Variants in C1R observed in about 807,000 individuals in gnomAD.
The protein encoded by C1R is complement C1r subcomponent.
Under a neutral mutation model 27.6 loss-of-function variants are expected in C1R, and 15 were observed. The observed-to-expected ratio is 0.54, with a 90% CI of 0.36 to 0.84. The LOEUF is 0.84. Among genes scored for constraint, C1R ranks in the 40% least tolerant of loss-of-function variants. The probability of loss-of-function intolerance (pLI) is 0.01; values close to 1 mark genes in which losing one functional copy is unlikely to be tolerated. For synonymous variants in C1R, 253 were observed against 228.8 expected (o/e 1.11, Z -0.95); for missense variants, 544 against 577.9 (o/e 0.94, Z 0.60).
chr12:7,092,170 A>G (rs1391895923), intron 1 of C1R: 1 of 626,040 alleles, frequency 1.6e-6, no homozygotes, highest in East Asian at 2.8e-5. Context: ...CCCAGAGGGA[A>G]GAAAGGACCA....
rs1335919353 is a variant in C1R, at chr12:7,091,726, T to C, written c.3-46A>G. ...ATCTGGAGCTGGAGGGGTTCAGCACTCTTGCCATGTGGGCAGTGGCTGTGG... is the reference window on the plus strand; with the variant it reads ...ATCTGGAGCTGGAGGGGTTCAGCACCCTTGCCATGTGGGCAGTGGCTGTGG... On this transcript the variant is annotated intron_variant, in intron 1 of 10. Transcript: ENST00000647956. This position sits in a 1 kb window ranked among gnomAD's most constrained non-coding sequence, Gnocchi z 5.1. 1.4e-6 allele frequency: 1 copy of C among 718,200 alleles called. No homozygotes were observed. The highest frequency in any genetic ancestry group is 1.7e-5 in the African/African-American group (1 of 57,234). 44.5% of individuals were successfully genotyped at this position (718,200 alleles called of 1,614,324 possible).
In C1R at chr12:7,082,036, C is replaced by G; in HGVS notation, c.1344G>C (p.Leu448Phe). ...CCCCAGAGGGTTTCCACTCACCTGG[C>G]AAGCACCGAGGAATCTTCTCTCCCT... Reference protein sequence around the residue: ...EQKGEKIPRCLPVCGKPVNPV... With the variant: ...EQKGEKIPRCFPVCGKPVNPV... The change falls in exon 10 of 11, where the codon TTG (leucine) becomes TTC (phenylalanine). Residue 448 changes from leucine to phenylalanine, a missense_variant. By Grantham distance (22) the Leu-to-Phe change is conservative. Coordinates refer to ENST00000647956, the MANE Select transcript of C1R (RefSeq NM_001733.7). 3 of 1,537,026 alleles carry G rather than the reference C, an allele frequency of 2.0e-6. No homozygotes were observed. The highest frequency in any genetic ancestry group is 2.6e-6 in the Non-Finnish European group (3 of 1,146,746).
intron 3 of C1R, 56 bp from the exon 4 acceptor site, chr12:7,089,789 C>T (rs1565631059): frequency 1.3e-6 from 1 of 764,174 alleles, no homozygotes; most frequent in East Asian, 2.5e-5. Context: ...TGAGTAGTGG[C>T]TCTGATCTTA....
rs748463008 is a variant in C1R, at chr12:7,080,412, G to C, written c.*120C>G. ...CTACAGGAAAGAGAATTTCACACAC[G>C]GTCTTTCTGCATCAGTAATTTTAAT... On this transcript the variant is annotated 3_prime_UTR_variant, in exon 11 of 11. Transcript: ENST00000647956. This position sits in a 1 kb window ranked among gnomAD's most constrained non-coding sequence, Gnocchi z 4.9. The C allele has an allele frequency of 2.1e-6, 3 of 1,439,114 alleles. No individual in the cohort carries two copies. The highest frequency in any genetic ancestry group is 2.7e-5 in the Admixed American group (1 of 36,434). 89.1% of individuals were successfully genotyped at this position (1,439,114 alleles called of 1,614,324 possible).
chr12:7,082,150 A>G (rs1403834097), intron 9 of C1R, 44 bp from the exon 10 acceptor site: 7 of 1,159,182 alleles, frequency 6.0e-6, no homozygotes, highest in East Asian at 5.1e-5. Context: ...GGTGATGGGT[A>G]AGAAAACTAG....
chr12:7,086,054 G>T, intron 8 of C1R, 38 bp from the exon 9 acceptor site: 2 of 398,690 alleles, frequency 5.0e-6, no homozygotes, highest in South Asian at 2.6e-4. Context: ...AGCTGAGAAT[G>T]ACTGTGCTGG....
rs1200596296 is a variant in C1R at position 7,081,464 on chromosome 12, CTTCTTG to C, written c.1349-169_1349-164del. On this transcript the variant is annotated intron_variant, in intron 10 of 10. Coordinates refer to ENST00000647956, the MANE Select transcript of C1R (RefSeq NM_001733.7). Reference sequence around the variant, plus strand: ...TCCGTCATTGGCCTATTGACAGGCTCTTCTTGTTCTTGTTTTTTTTTTTTTTTTAAA... The same window carrying C: ...TCCGTCATTGGCCTATTGACAGGCTCTTCTTGTTTTTTTTTTTTTTTTAAA... Among the ~76,000 whole-genome samples the C allele has an allele frequency of 4.6e-5, 7 of 150,720 alleles. No homozygotes were observed. In the East Asian group the frequency reaches 1.4e-3, roughly 29 times the overall value.
Position 7,091,126 on chromosome 12 carries a change from C to T in C1R, c.231+326G>A. On this transcript the variant is annotated intron_variant, in intron 2 of 10. Transcript: ENST00000647956. The surrounding 1 kb of genome is among the most constrained non-coding windows in gnomAD (Gnocchi z 5.1). ...AAGCAGGCAGCCATGTCAATCATTT[C>T]CTTGGAGACAGGGAAGCTGAGGCAC... 1 of 329,344 alleles carries T rather than the reference C, an allele frequency of 3.0e-6. No homozygotes were observed. Among genetic ancestry groups the T allele is most frequent in the Non-Finnish European group, 5.6e-6 (1 of 178,036 alleles). The allele number at this position is 329,344 out of a possible 1,614,324, so 20.4% of individuals were successfully genotyped here.
chr12:7,083,458 G>GATGGTGTTGGTA (rs1449832039), intron 9 of C1R, among the ~76,000 whole-genome samples: 1 of 112,114 alleles, frequency 8.9e-6, no homozygotes, highest in Non-Finnish European at 1.9e-5. Context: ...TGATAGTGAT[G>GATGGTGTTGGTA]ATGGTGATGG....
chr12:7,090,297 C>T (rs1327043789), intron 2 of C1R, 49 bp from the exon 3 acceptor site: 6 of 693,592 alleles, frequency 8.7e-6, no homozygotes, highest in East Asian at 5.4e-5. Flanking sequence ...TGCGGAGTGG[C>T]GCACGTGGTG....
intron 9 of C1R, among the ~76,000 whole-genome samples, chr12:7,083,525 A>ATCATGG (rs1938104886): frequency 7.9e-6 from 1 of 126,940 alleles, no homozygotes; most frequent in African/African-American, 3.0e-5. Context: ...GGTGTTGGTA[A>ATCATGG]TGGTGGTGGT....
chr12:7,084,787 AATCATG>A (rs1938113663), intron 9 of C1R, among the ~76,000 whole-genome samples: 1 of 118,856 alleles, frequency 8.4e-6, no homozygotes, highest in African/African-American at 3.8e-5. Context: ...TGGTGTTGGT[AATCATG>A]ATGGTGATAA....
At chr12:7,085,814 C>G (rs975013754) in intron 9 of C1R, 47 bp downstream of exon 9, 6 of 398,268 alleles carry the variant, frequency 1.5e-5, no homozygotes, top group Admixed American at 4.4e-5. Context: ...CAGAGGATAC[C>G]CCAAGGGGAT....
Position 7,088,974 on chromosome 12 carries a change from C to A in C1R, c.781G>T (p.Gly261Trp), listed in dbSNP as rs3813728. ...CCACAGAACTCGCCAATGTTCTTCC[C>A]GTTGGCATAGATCTAGTAGGGGAGG... The part of the protein sequence containing the change: ...PYDQLQIYAN[G>W]KNIGEFCGKQ... Residue 261 changes from glycine to tryptophan, a missense_variant, in exon 6 of 11, where the codon GGG becomes TGG. Coordinates refer to ENST00000647956, the MANE Select transcript of C1R (RefSeq NM_001733.7). The A allele has an allele frequency of 1.3e-6, 1 of 745,226 alleles. No homozygotes were observed. Among genetic ancestry groups the A allele is most frequent in the East Asian group, 2.5e-5 (1 of 39,838 alleles). The allele number at this position is 745,226 out of a possible 1,614,324, so 46.2% of individuals were successfully genotyped here. A position where few individuals can be genotyped will look rare whatever the true frequency, so the allele number is the denominator to read the frequency against.
intron 7 of C1R, 166 bp downstream of exon 7, chr12:7,088,444 C>T: frequency 2.8e-6 from 2 of 707,120 alleles, no homozygotes; most frequent in Non-Finnish European, 5.2e-6. Context: ...TTTAAACTCT[C>T]TGTTTTAAGT....
intron 9 of C1R, among the ~76,000 whole-genome samples, chr12:7,085,530 T>G (rs1938142726): frequency 6.6e-6 from 1 of 152,028 alleles, no homozygotes; most frequent in Non-Finnish European, 1.5e-5. Flanking sequence ...CTGGCACTGA[T>G]GCTATTGGTA....
intron 9 of C1R, among the ~76,000 whole-genome samples, chr12:7,083,323 G>GCT (rs1938098219): frequency 1.3e-5 from 2 of 150,934 alleles, no homozygotes; most frequent in South Asian, 4.2e-4. Context: ...TGGTGATGGT[G>GCT]GTAATGGTGT....
chr12:7,089,255 G>A (rs776344318), intron 5 of C1R, 38 bp downstream of exon 5: 3 of 770,866 alleles, frequency 3.9e-6, no homozygotes, highest in Non-Finnish European at 7.2e-6. Context: ...GCAGACAGAA[G>A]GGGAGGAAGG....
intron 2 of C1R, 124 bp from the exon 3 acceptor site, chr12:7,090,372 C>G: frequency 1.6e-6 from 1 of 617,214 alleles, no homozygotes; most frequent in South Asian, 1.9e-5. Flanking sequence ...TCTGGCTGGT[C>G]ACTACCTGCT....
Sources: allele counts gnomAD v4.1 joint callset (sites outside exome capture counted in the v4.1 genomes callset), GRCh38; gene constraint gnomAD v4.1.1; non-coding constraint Gnocchi (gnomAD v3.1); transcripts MANE v1.5; gene names NCBI Gene and HGNC (gene_info 2026-07-23, HGNC 2026-07-21).